The following KCNMA1 variants were observed in gnomAD, a reference collection of about 807,000 sequenced individuals.
The protein encoded by KCNMA1 is potassium calcium-activated channel subfamily M alpha 1, also known as Calcium-activated potassium channel subunit alpha-1.
Under a neutral mutation model 140.0 loss-of-function variants are expected in KCNMA1, and 29 were observed. The ratio of observed to expected loss-of-function variants is 0.21; its 90% CI spans 0.15 to 0.28. The LOEUF is 0.28. Ranked by LOEUF, KCNMA1 falls within the 10% of genes least tolerant of loss-of-function variation. The probability of loss-of-function intolerance (pLI) is 1.00; values close to 1 mark genes in which losing one functional copy is unlikely to be tolerated. For missense variants in KCNMA1, 880 were observed against 1,602.2 expected (o/e 0.55, Z 7.70); for synonymous variants, 612 against 611.9 (o/e 1.00, Z 0.00).
At chr10:77,246,898 A>G (rs1414826664) in intron 3 of KCNMA1, among the ~76,000 whole-genome samples, 2 of 152,210 alleles carry the variant, frequency 1.3e-5, no homozygotes, top group Non-Finnish European at 2.9e-5. Flanking sequence ...CATATCCCCA[A>G]AACAGCAGTG....
chr10:77,333,624 A>G (rs1284504685), intron 2 of KCNMA1, among the ~76,000 whole-genome samples: 2 of 152,236 alleles, frequency 1.3e-5, no homozygotes, highest in Admixed American at 1.3e-4. Flanking sequence ...TGGGCTCAAA[A>G]TAATAACTAG....
chr10:77,285,809 C>T (rs2070620104), intron 2 of KCNMA1, among the ~76,000 whole-genome samples: 1 of 152,178 alleles, frequency 6.6e-6, no homozygotes, highest in South Asian at 2.1e-4. Context: ...CTCTAAGTTC[C>T]AGCTTCCTCA....
At chr10:76,946,615 G>A (rs555865738) in intron 22 of KCNMA1, among the ~76,000 whole-genome samples, 14 of 152,196 alleles carry the variant, frequency 9.2e-5, no homozygotes, top group East Asian at 1.9e-4. Context: ...CTGGAGCAGC[G>A]TCTTTTTGAG....
intron 2 of KCNMA1, among the ~76,000 whole-genome samples, chr10:77,379,194 GA>G (rs1299553731): frequency 6.6e-6 from 1 of 152,270 alleles, no homozygotes; most frequent in East Asian, 1.9e-4. Context: ...CTGCTTGACG[GA>G]ATTCTGAGCC....
intron 1 of KCNMA1, among the ~76,000 whole-genome samples, chr10:77,457,843 T>G (rs1483258162): frequency 6.6e-6 from 1 of 152,096 alleles, no homozygotes; most frequent in Non-Finnish European, 1.5e-5. Context: ...GCGAGTGCAG[T>G]GCCTCCATCC....
chr10:76,886,117 T>C lies in KCNMA1; in HGVS notation c.*1149A>G. Reference sequence around the variant, plus strand: ...GTCAACTGTGGCTGATCCTCCTACATTCTAATTTATTTAGCATGTCGGCTC... The same window carrying C: ...GTCAACTGTGGCTGATCCTCCTACACTCTAATTTATTTAGCATGTCGGCTC... On this transcript the variant is annotated 3_prime_UTR_variant, in exon 28 of 28. Coordinates refer to ENST00000286628, the MANE Select transcript of KCNMA1 (RefSeq NM_001161352.2). The C allele has an allele frequency of 1.0e-6, 1 of 985,404 alleles. No homozygotes were observed. The highest frequency in any genetic ancestry group is 1.2e-6 in the Non-Finnish European group (1 of 829,928). 61.0% of individuals were successfully genotyped at this position (985,404 alleles called of 1,614,324 possible).
In KCNMA1 at chr10:77,407,232, G is replaced by A. The variant is rs117307233; in HGVS notation, c.379-3209C>T. Among the ~76,000 whole-genome samples the A allele has an allele frequency of 9.0e-3, 1,364 of 152,210 alleles. 14 individuals carry two copies. Among genetic ancestry groups the A allele is most frequent in the Non-Finnish European group, 0.014 (946 of 68,022 alleles). ...AGCTATTTAAAGCCTGATGCCAGCC[G>A]GCCAGACTAGCCACCAGGCTAGCCA... On this transcript the variant is annotated intron_variant, in intron 1 of 27. Coordinates refer to ENST00000286628, the MANE Select transcript of KCNMA1 (RefSeq NM_001161352.2).
intron 2 of KCNMA1, among the ~76,000 whole-genome samples, chr10:77,293,592 G>A (rs760557088): frequency 3.9e-5 from 6 of 152,304 alleles, no homozygotes; most frequent in Middle Eastern, 3.4e-3. Flanking sequence ...CCACTGGACC[G>A]TCTAGACTTT....
At chr10:77,037,607 G>A (rs377270768) in intron 15 of KCNMA1, among the ~76,000 whole-genome samples, 8 of 152,074 alleles carry the variant, frequency 5.3e-5, no homozygotes, top group African/African-American at 1.4e-4. Flanking sequence ...TGGGGAGGGA[G>A]CACTCTTGTT....
At chr10:77,021,952 A>G (rs1008424511) in intron 16 of KCNMA1, among the ~76,000 whole-genome samples, 6 of 152,210 alleles carry the variant, frequency 3.9e-5, no homozygotes, top group Admixed American at 6.5e-5. Context: ...TATTTTCGAC[A>G]TTAAGTCTTC....
chr10:77,518,241 T>C lies in KCNMA1; in HGVS notation c.379-114218A>G, dbSNP rs533270590. 2.0e-5 allele frequency among the ~76,000 whole-genome samples: 3 copies of C among 152,364 alleles called. No individual in the cohort carries two copies. In the South Asian group the frequency reaches 6.2e-4, roughly 32 times the overall value. On this transcript the variant is annotated intron_variant, in intron 1 of 27. Transcript: ENST00000286628. ...CATATTCTAAAACCAGTTCTCATTA[T>C]CTGAAGTTAGTTTATTATTTATTTA...
chr10:77,228,340 AG>A (rs1156396238), intron 3 of KCNMA1, among the ~76,000 whole-genome samples: 1 of 152,170 alleles, frequency 6.6e-6, no homozygotes, highest in Non-Finnish European at 1.5e-5. Context: ...GTTTCCTGGT[AG>A]CCAATCTATA....
intron 1 of KCNMA1, among the ~76,000 whole-genome samples, chr10:77,433,024 G>A (rs537110428): frequency 5.9e-5 from 9 of 152,082 alleles, no homozygotes; most frequent in Admixed American, 3.3e-4. Context: ...AAAAGACTCC[G>A]CAACTTCATA....
intron 1 of KCNMA1, among the ~76,000 whole-genome samples, chr10:77,622,784 T>A (rs1289669649): frequency 2.0e-5 from 3 of 152,180 alleles, no homozygotes; most frequent in African/African-American, 4.8e-5. Context: ...TTGTTCTGAT[T>A]TTTTTTCCCC....
intron 6 of KCNMA1, among the ~76,000 whole-genome samples, chr10:77,118,695 T>C (rs1055134811): frequency 6.6e-6 from 1 of 152,140 alleles, no homozygotes; most frequent in African/African-American, 2.4e-5. Flanking sequence ...CTCGAAAAGA[T>C]CCTTGACTGC....
chr10:76,950,500 G>A (rs2065842573), intron 21 of KCNMA1, among the ~76,000 whole-genome samples: 1 of 152,174 alleles, frequency 6.6e-6, no homozygotes, highest in Non-Finnish European at 1.5e-5. Flanking sequence ...CTGAGCTAGT[G>A]AAGCCAGGAG....
intron 1 of KCNMA1, among the ~76,000 whole-genome samples, chr10:77,543,478 A>G (rs2060667763): frequency 6.6e-6 from 1 of 152,258 alleles, no homozygotes; most frequent in South Asian, 2.1e-4. Flanking sequence ...GAGGAAAATA[A>G]GGAACATAAT....
intron 2 of KCNMA1, among the ~76,000 whole-genome samples, chr10:77,348,429 A>G (rs984997127): frequency 6.6e-6 from 1 of 152,214 alleles, no homozygotes; most frequent in Non-Finnish European, 1.5e-5. Context: ...GTATGCCTGC[A>G]GACCTGGACA....
rs149708794 is a variant in KCNMA1 at position 76,954,228 on chromosome 10, C to T, written c.2361-304G>A. 3.1e-3 allele frequency among the ~76,000 whole-genome samples: 469 copies of T among 152,022 alleles called. 1 individual carries two copies. Among genetic ancestry groups the T allele is most frequent in the African/African-American group, 0.01 (428 of 41,464 alleles). On this transcript the variant is annotated intron_variant, in intron 20 of 27. Transcript: ENST00000286628. ...CTCCCTTTTTAAGGCTACCTCACTC[C>T]TCTTCCTCTCATTTTACCAGCTATT... is the stretch of plus-strand genomic sequence containing the variant.
Sources: gnomAD v4.1 joint callset for allele counts (sites outside exome capture counted in the v4.1 genomes callset) on GRCh38, gnomAD v4.1.1 for gene constraint, MANE v1.5 for transcripts, NCBI Gene and HGNC (gene_info 2026-07-23, HGNC 2026-07-21) for gene names.